The following MFSD8 variants were observed in gnomAD, a reference collection of about 807,000 sequenced individuals.
MFSD8 encodes the protein major facilitator superfamily domain-containing protein 8.
A neutral mutation model predicts 66.4 loss-of-function variants in MFSD8; 55 were observed. That is an observed-to-expected ratio of 0.83 (90% CI 0.67 to 1.04). The LOEUF (loss-of-function observed/expected upper bound fraction) is 1.04, where lower values mean the gene tolerates loss of function less well. MFSD8 is among the 50% of genes least tolerant of loss of function. The probability of loss-of-function intolerance (pLI) is 0.00; values close to 1 mark genes in which losing one functional copy is unlikely to be tolerated. For synonymous variants in MFSD8, 202 were observed against 212.8 expected (o/e 0.95, Z 0.44); for missense variants, 550 against 627.6 (o/e 0.88, Z 1.32).
chr4:127,941,927 T>A, intron 5 of MFSD8, 118 bp downstream of exon 5: 6 of 782,186 alleles, frequency 7.7e-6, no homozygotes, highest in Non-Finnish European at 6.6e-6. Context: ...AAAAAAAAAA[T>A]TAGCTTTCCT....
At chr4:127,921,421 A>C in intron 11 of MFSD8, 103 bp downstream of exon 11, 2 of 1,573,218 alleles carry the variant, frequency 1.3e-6, no homozygotes, top group Non-Finnish European at 1.7e-6. Flanking sequence ...TATGATAAAA[A>C]TCCCTCAAAT....
At chr4:127,931,615 C>T (rs934708474) in intron 8 of MFSD8, among the ~76,000 whole-genome samples, 1 of 152,128 alleles carries the variant, frequency 6.6e-6, no homozygotes, top group Non-Finnish European at 1.5e-5. Flanking sequence ...CCTCAACCTC[C>T]CAAAGTTCTG....
chr4:127,951,137 G>A (rs1741885566), intron 2 of MFSD8, among the ~76,000 whole-genome samples: 1 of 151,996 alleles, frequency 6.6e-6, no homozygotes, highest in East Asian at 1.9e-4. Flanking sequence ...ATACAATTAT[G>A]CATTTAAAGT....
At chr4:127,938,703 G>T in intron 7 of MFSD8, 80 bp downstream of exon 7, 1 of 1,225,678 alleles carries the variant, frequency 8.2e-7, no homozygotes, top group Non-Finnish European at 1.2e-6. Flanking sequence ...AAGCAAAATC[G>T]AAGTAAATAC....
In MFSD8 at chr4:127,918,177, A is replaced by C. The variant is rs1736018381; in HGVS notation, c.*2453T>G. 1 of 152,232 alleles carries C rather than the reference A, an allele frequency of 6.6e-6. No homozygotes were observed. The highest frequency in any genetic ancestry group is 2.4e-5 in the African/African-American group (1 of 41,468). The allele number at this position is 152,232 out of a possible 1,614,324, so 9.4% of individuals were successfully genotyped here. ...CTCTTCTTAAATATGTACTACTCTT[A>C]ACAATATATCATACCTTAAAATCTC... On this transcript the variant is annotated 3_prime_UTR_variant, in exon 12 of 12. Coordinates refer to ENST00000641686, the MANE Select transcript of MFSD8 (RefSeq NM_001371596.2).
rs1480050844 is a variant in MFSD8, at chr4:127,949,681, A to G, written c.198+123T>C. ...TATAAGCCTCTTTTAAGGAACTATT[A>G]TCTCATTATTCTTGTAAAGATTAAA... is the stretch of plus-strand genomic sequence containing the variant. On this transcript the variant is annotated intron_variant, in intron 3 of 11. Transcript: ENST00000641686. The G allele has an allele frequency of 8.6e-6, 7 of 813,270 alleles. 1 individual carries two copies. The East Asian group carries it at 1.8e-4, about 21-fold the overall frequency. The allele number at this position is 813,270 out of a possible 1,614,324, so 50.4% of individuals were successfully genotyped here.
chr4:127,948,067 T>C (rs914237011), intron 3 of MFSD8, among the ~76,000 whole-genome samples: 1 of 152,008 alleles, frequency 6.6e-6, no homozygotes, highest in Non-Finnish European at 1.5e-5. Context: ...CAAATTTCAT[T>C]TTTTGGAAAT....
At chr4:127,964,967 A>G (rs1744776600) in intron 1 of MFSD8, 105 bp downstream of exon 1, 1 of 1,385,758 alleles carries the variant, frequency 7.2e-7, no homozygotes, top group African/African-American at 1.4e-5. Context: ...CCGCGCTGGA[A>G]CCCCTCTGGC....
At chr4:127,927,194 C>A (rs536509192) in intron 9 of MFSD8, among the ~76,000 whole-genome samples, 4 of 148,118 alleles carry the variant, frequency 2.7e-5, no homozygotes, top group African/African-American at 9.9e-5. Context: ...TTTTGTTTTT[C>A]GCTTTTTTTG....
chr4:127,926,650 T>C (rs892203812), intron 9 of MFSD8, among the ~76,000 whole-genome samples: 1 of 152,168 alleles, frequency 6.6e-6, no homozygotes, highest in Non-Finnish European at 1.5e-5. Flanking sequence ...AATATAAATA[T>C]ATGTCTATCT....
At chr4:127,951,320 C>G (rs934176119) in intron 2 of MFSD8, among the ~76,000 whole-genome samples, 1 of 152,062 alleles carries the variant, frequency 6.6e-6, no homozygotes, top group African/African-American at 2.4e-5. Flanking sequence ...ACCTCCGACT[C>G]CTGGATTCAA....
At chr4:127,927,862 G>T (rs1286795946) in intron 9 of MFSD8, among the ~76,000 whole-genome samples, 1 of 151,654 alleles carries the variant, frequency 6.6e-6, no homozygotes, top group South Asian at 2.1e-4. Flanking sequence ...AATTGTGTTT[G>T]TGTGTGTGTC....
In MFSD8 at chr4:127,957,560, T is replaced by C; in HGVS notation, c.95A>G (p.Tyr32Cys). ...EWDILETEEH[Y>C]KSRWRSIRIL... ...CCTAATAGATCTCCATCGGCTCTTA[T>C]AATGCTCTTCAGTCTCTAAAATGTC... The change falls in exon 2 of 12, where the codon TAT becomes TGT. Residue 32 changes from tyrosine to cysteine, a missense_variant. By Grantham distance (194) the Tyr-to-Cys change is radical (BLOSUM62 -2). Transcript: ENST00000641686. The C allele has an allele frequency of 6.2e-7, 1 of 1,612,006 alleles. No individual in the cohort carries two copies. The highest frequency in any genetic ancestry group is 8.5e-7 in the Non-Finnish European group (1 of 1,178,428).
chr4:127,951,965 C>G (rs1293829179), intron 2 of MFSD8, among the ~76,000 whole-genome samples: 1 of 151,852 alleles, frequency 6.6e-6, no homozygotes, highest in Non-Finnish European at 1.5e-5. Flanking sequence ...CCTGACCTTG[C>G]AATCCGCCTG....
intron 2 of MFSD8, among the ~76,000 whole-genome samples, chr4:127,952,196 G>A (rs1170265352): frequency 6.6e-6 from 1 of 150,742 alleles, no homozygotes; most frequent in African/African-American, 2.4e-5. Flanking sequence ...ATGAGGTCAG[G>A]CTATCGAGCC....
At chr4:127,962,460 C>A (rs1183156550) in intron 1 of MFSD8, among the ~76,000 whole-genome samples, 1 of 151,872 alleles carries the variant, frequency 6.6e-6, no homozygotes, top group African/African-American at 2.4e-5. Flanking sequence ...AGAGCAAGAC[C>A]CCGTCTCAAA....
intron 2 of MFSD8, among the ~76,000 whole-genome samples, chr4:127,954,643 T>A (rs1417191462): frequency 6.6e-6 from 1 of 152,200 alleles, no homozygotes; most frequent in Non-Finnish European, 1.5e-5. Flanking sequence ...GAAGGTGGAC[T>A]ACATCAGTAT....
At chr4:127,965,716 A>G, upstream of MFSD8, 1 of 168,672 alleles carries the variant, frequency 5.9e-6, no homozygotes, top group African/African-American at 2.4e-5. Flanking sequence ...GCTGGGCGGG[A>G]GACTCGCGGG....
intron 10 of MFSD8, 36 bp downstream of exon 10, chr4:127,921,824 C>T (rs1736380653): frequency 6.2e-7 from 1 of 1,613,328 alleles, no homozygotes; most frequent in African/African-American, 1.3e-5. Flanking sequence ...AGATAAATAA[C>T]AGAGGTTAAC....
Sources: allele counts gnomAD v4.1 joint callset (sites outside exome capture counted in the v4.1 genomes callset), GRCh38; gene constraint gnomAD v4.1.1; transcripts MANE v1.5; gene names NCBI Gene and HGNC (gene_info 2026-07-23, HGNC 2026-07-21).